The following ATP11A variants were observed in gnomAD, a reference collection of about 807,000 sequenced individuals.
The protein encoded by ATP11A is phospholipid-transporting ATPase IH.
ATP11A carries 81 observed loss-of-function variants against 154.4 expected under a neutral mutation model. The ratio of observed to expected loss-of-function variants is 0.52; its 90% confidence interval spans 0.44 to 0.63. ATP11A has a LOEUF of 0.63. Ranked by LOEUF, ATP11A falls within the 30% of genes least tolerant of loss-of-function variation. The pLI, the probability that ATP11A is intolerant of heterozygous loss-of-function variation, is 0.00. For synonymous variants in ATP11A, 623 were observed against 585.9 expected, an observed-to-expected ratio of 1.06 and a Z score of -0.91; for missense variants, 1,316 against 1,474.3, an observed-to-expected ratio of 0.89 and a Z score of 1.76.
chr13:112,851,221 A>G lies in ATP11A; in HGVS notation c.1991+3A>G. The G allele has an allele frequency of 6.2e-7, 1 of 1,611,494 alleles. No individual in the cohort carries two copies. The highest frequency in any genetic ancestry group is 8.5e-7 in the Non-Finnish European group (1 of 1,178,606). On this transcript the variant is annotated splice_donor_region_variant and intron_variant, in intron 18 of 29. Transcript: ENST00000375645. ...GGTGCTACAGCTGTTGAGGACCGGT[A>G]AAGTAAACGCATGCATCCCGTCCTG... is the stretch of plus-strand genomic sequence containing the variant.
chr13:112,806,692 C>G (rs1456723425), intron 4 of ATP11A, among the ~76,000 whole-genome samples: 1 of 151,838 alleles, frequency 6.6e-6, no homozygotes. Flanking sequence ...TTCATAGCCC[C>G]AGTAAATAAG....
chr13:112,701,649 G>A (rs1354402574), intron 1 of ATP11A, among the ~76,000 whole-genome samples: 7 of 152,070 alleles, frequency 4.6e-5, no homozygotes, highest in African/African-American at 7.2e-5. Context: ...TGGCTAACAC[G>A]ATGAAACCCC....
chr13:112,727,546 T>C (rs282596), intron 1 of ATP11A, among the ~76,000 whole-genome samples: 121 of 150,248 alleles, frequency 8.1e-4, no homozygotes, highest in African/African-American at 2.9e-3. Flanking sequence ...GCAGTCTCTT[T>C]CCAAAAAAAA....
chr13:112,802,552 CAAAAAA>C (rs35889771), intron 2 of ATP11A, among the ~76,000 whole-genome samples: 10 of 80,938 alleles, frequency 1.2e-4, no homozygotes, highest in Admixed American at 2.7e-4. Flanking sequence ...ACTGGACATG[CAAAAAA>C]AAAAAAAAAA....
chr13:112,862,613 A>G, intron 25 of ATP11A, 38 bp downstream of exon 25: 2 of 1,613,382 alleles, frequency 1.2e-6, no homozygotes. Flanking sequence ...TTAGCTGCTT[A>G]GGAATAAAGC....
At chr13:112,751,977 C>T (rs1044150408) in intron 1 of ATP11A, among the ~76,000 whole-genome samples, 1 of 152,192 alleles carries the variant, frequency 6.6e-6, no homozygotes, top group African/African-American at 2.4e-5. Context: ...TTGTAAATAA[C>T]GATGTGGCTA....
intron 25 of ATP11A, among the ~76,000 whole-genome samples, chr13:112,863,140 C>A (rs1448099853): frequency 6.8e-6 from 1 of 147,802 alleles, no homozygotes; most frequent in Non-Finnish European, 1.5e-5. Context: ...ACCACCTGCA[C>A]AGTAATTCAG....
At chr13:112,881,254 G>C in intron 29 of ATP11A, 1 of 992,446 alleles carries the variant, frequency 1.0e-6, no homozygotes, top group Non-Finnish European at 1.2e-6. Flanking sequence ...CACAGGGCCC[G>C]TGCACATCCG....
chr13:112,782,780 C>T (rs1395735363), intron 1 of ATP11A, among the ~76,000 whole-genome samples: 2 of 152,212 alleles, frequency 1.3e-5, no homozygotes, highest in East Asian at 3.9e-4. Flanking sequence ...TCCAGGATGA[C>T]GGTTACTGCA....
intron 2 of ATP11A, among the ~76,000 whole-genome samples, chr13:112,789,795 T>C (rs1309579869): frequency 6.7e-6 from 1 of 149,476 alleles, no homozygotes; most frequent in East Asian, 2.0e-4. Context: ...TGTAGACTCC[T>C]GTGGAGACCT....
At chr13:112,758,311 C>T (rs550777562) in intron 1 of ATP11A, among the ~76,000 whole-genome samples, 7 of 152,172 alleles carry the variant, frequency 4.6e-5, no homozygotes, top group Non-Finnish European at 8.8e-5. Context: ...ATCCACCCAC[C>T]CCTGCCTCCC....
chr13:112,752,384 C>T lies in ATP11A; in HGVS notation c.40-32751C>T, dbSNP rs193005612. 1.9e-3 allele frequency among the ~76,000 whole-genome samples: 283 copies of T among 152,302 alleles called. 3 individuals are homozygous for T. Among genetic ancestry groups the T allele is most frequent in the African/African-American group, 4.9e-3 (203 of 41,574 alleles). ...CAGGAGTGACATGCAGCGCCATTCC[C>T]AAAGTCTCCTGGGTTCCCGGGGGTG... On this transcript the variant is annotated intron_variant, in intron 1 of 29. Coordinates refer to ENST00000375645, the MANE Select transcript of ATP11A (RefSeq NM_015205.3).
At chr13:112,828,705 G>A (rs1446250436) in intron 12 of ATP11A, among the ~76,000 whole-genome samples, 4 of 152,158 alleles carry the variant, frequency 2.6e-5, no homozygotes, top group South Asian at 2.1e-4. Flanking sequence ...CTGTTGTTCT[G>A]TCCTGACCAA....
Position 112,806,207 on chromosome 13 carries a change from C to T in ATP11A, c.253-6C>T. ...AAGATGATTTTACAATTCTCTCTTT[C>T]TGCAGTTGATTATTGATACACCCAC... On this transcript the variant is annotated splice_region_variant and splice_polypyrimidine_tract_variant and intron_variant, in intron 3 of 29. Coordinates refer to ENST00000375645, the MANE Select transcript of ATP11A (RefSeq NM_015205.3). The T allele has an allele frequency of 6.2e-7, 1 of 1,608,680 alleles. No individual in the cohort carries two copies. Among genetic ancestry groups the T allele is most frequent in the South Asian group, 1.1e-5 (1 of 90,376 alleles).
rs2080685461 is a variant in ATP11A at position 112,875,316 on chromosome 13, A to G, written c.3162-460A>G. Among the ~76,000 whole-genome samples, 2 of 152,118 alleles carry G rather than the reference A, an allele frequency of 1.3e-5. No individual in the cohort carries two copies. Among genetic ancestry groups the G allele is most frequent in the African/African-American group, 4.8e-5 (2 of 41,418 alleles). On this transcript the variant is annotated intron_variant, in intron 27 of 29. Transcript: ENST00000375645. The surrounding 1 kb of genome is among the most constrained non-coding windows in gnomAD (Gnocchi z 4.1). ...CTGGCTGCGGGTCACTGGTCCCTGCATCCTTGCCAGCCTCCCTCATGGAGG... is the reference window on the plus strand; with the variant it reads ...CTGGCTGCGGGTCACTGGTCCCTGCGTCCTTGCCAGCCTCCCTCATGGAGG...
intron 28 of ATP11A, among the ~76,000 whole-genome samples, chr13:112,876,479 C>A (rs752176643): frequency 1.3e-5 from 2 of 152,128 alleles, no homozygotes; most frequent in Non-Finnish European, 2.9e-5. Flanking sequence ...TCCTTTTCAG[C>A]AGCTGGCCTC....
chr13:112,756,041 CG>C (rs1414274624), intron 1 of ATP11A, among the ~76,000 whole-genome samples: 2 of 151,838 alleles, frequency 1.3e-5, no homozygotes, highest in Admixed American at 1.3e-4. Flanking sequence ...TTTCCGGTCA[CG>C]GAAGCGTCAC....
At chr13:112,780,106 G>C (rs1001718858) in intron 1 of ATP11A, among the ~76,000 whole-genome samples, 5 of 150,146 alleles carry the variant, frequency 3.3e-5, no homozygotes, top group Middle Eastern at 3.4e-3. Context: ...TAATGATCTC[G>C]TGTGCAAACC....
At chr13:112,777,851 C>T (rs4551931) in intron 1 of ATP11A, among the ~76,000 whole-genome samples, 17,200 of 152,012 alleles carry the variant, frequency 0.11, 1,621 homozygotes, top group African/African-American at 0.25. Context: ...GCCGCTCCCT[C>T]CCCATGCGCT....
Sources: gnomAD v4.1 joint callset for allele counts (sites outside exome capture counted in the v4.1 genomes callset) on GRCh38, gnomAD v4.1.1 for gene constraint, Gnocchi (gnomAD v3.1) non-coding constraint, MANE v1.5 for transcripts, NCBI Gene and HGNC (gene_info 2026-07-23, HGNC 2026-07-21) for gene names.